The following WDFY3 variants were observed in gnomAD, a reference collection of about 807,000 sequenced individuals.
WDFY3 encodes the protein WD repeat and FYVE domain containing 3.
In WDFY3, 66 loss-of-function variants were observed where a neutral mutation model predicts 409.6. That is an observed-to-expected ratio of 0.16 (90% CI 0.13 to 0.20). WDFY3 has a LOEUF of 0.20. WDFY3 is among the 10% of genes least tolerant of loss of function. The pLI is 1.00. For missense variants in WDFY3, 3,031 were observed against 4,298.1 expected (o/e 0.71, Z 8.24); for synonymous variants, 1,521 against 1,537.1 (o/e 0.99, Z 0.25).
In WDFY3 at chr4:84,907,707, G is replaced by A. The variant is rs551742955; in HGVS notation, c.-131-10697C>T. ...AATCAGCAATAAGTAATCTATATTC[G>A]TTCAAGCAATAATCATTGATCTGTG... On this transcript the variant is annotated intron_variant, in intron 2 of 67. Coordinates refer to ENST00000295888, the MANE Select transcript of WDFY3 (RefSeq NM_014991.6). 2.6e-5 allele frequency among the ~76,000 whole-genome samples: 4 copies of A among 152,196 alleles called. No homozygotes were observed. In the South Asian group the frequency reaches 6.2e-4, roughly 24 times the overall value.
chr4:84,672,865 T>C lies in WDFY3; in HGVS notation c.*3A>G. The C allele has an allele frequency of 6.2e-7, 1 of 1,614,058 alleles. No homozygotes were observed. Among genetic ancestry groups the C allele is most frequent in the African/African-American group, 1.3e-5 (1 of 75,044 alleles). On this transcript the variant is annotated 3_prime_UTR_variant, in exon 68 of 68. Transcript: ENST00000295888. ...CATGGTCTCCACTCAGCTTGTTGAA[T>C]CTTCAACAATTTCGAGGCCCATCTT...
At chr4:84,852,014 AG>A (rs1457197620) in intron 4 of WDFY3, among the ~76,000 whole-genome samples, 1 of 152,224 alleles carries the variant, frequency 6.6e-6, no homozygotes, top group Non-Finnish European at 1.5e-5. Flanking sequence ...CTCAGCACAC[AG>A]TTTTTGGTCT....
intron 13 of WDFY3, among the ~76,000 whole-genome samples, chr4:84,815,799 G>T (rs1257270253): frequency 6.6e-6 from 1 of 152,006 alleles, no homozygotes; most frequent in African/African-American, 2.4e-5. Context: ...TTACGGTAGG[G>T]TCCATTGTAA....
At chr4:84,915,095 C>T (rs1385722181) in intron 2 of WDFY3, among the ~76,000 whole-genome samples, 1 of 152,064 alleles carries the variant, frequency 6.6e-6, no homozygotes, top group Admixed American at 6.6e-5. Flanking sequence ...ATTGTATGAT[C>T]ATACTTAATA....
At chr4:84,688,859 G>A (rs1728775416) in intron 61 of WDFY3, among the ~76,000 whole-genome samples, 1 of 152,082 alleles carries the variant, frequency 6.6e-6, no homozygotes, top group Non-Finnish European at 1.5e-5. Flanking sequence ...TGCCTGAGAG[G>A]AATTCTTTCT....
chr4:84,741,973 G>C, intron 37 of WDFY3, 52 bp from the exon 38 acceptor site: 1 of 1,471,720 alleles, frequency 6.8e-7, no homozygotes, highest in Non-Finnish European at 9.1e-7. Flanking sequence ...TACCAACACA[G>C]GACCAGATCC....
chr4:84,829,236 C>A (rs750341352), intron 8 of WDFY3, 46 bp from the exon 9 acceptor site: 18 of 1,426,580 alleles, frequency 1.3e-5, no homozygotes, highest in South Asian at 1.7e-5. Flanking sequence ...TCCTGACAAT[C>A]GCTTAAAAAT....
At chr4:84,709,656 A>G (rs1043844072) in intron 51 of WDFY3, among the ~76,000 whole-genome samples, 3 of 152,216 alleles carry the variant, frequency 2.0e-5, no homozygotes, top group African/African-American at 7.2e-5. Flanking sequence ...TGAATGTAAT[A>G]TATATTTTTT....
chr4:84,889,336 C>T (rs1393411707), intron 3 of WDFY3, among the ~76,000 whole-genome samples: 3 of 152,132 alleles, frequency 2.0e-5, no homozygotes, highest in Non-Finnish European at 4.4e-5. Flanking sequence ...TGATATTACA[C>T]ATCTGCAGAG....
chr4:84,794,762 G>A, intron 20 of WDFY3, 25 bp from the exon 21 acceptor site: 1 of 1,564,336 alleles, frequency 6.4e-7, no homozygotes, highest in Non-Finnish European at 8.7e-7. Flanking sequence ...AAAAAAAAAA[G>A]TCTGTGTTGA....
At chr4:84,734,639 A>G (rs572464440) in intron 43 of WDFY3, among the ~76,000 whole-genome samples, 1 of 152,344 alleles carries the variant, frequency 6.6e-6, no homozygotes, top group South Asian at 2.1e-4. Context: ...ATTTCATTCA[A>G]TCTTGTAATT....
At chr4:84,832,755 C>T (rs1342712183) in intron 7 of WDFY3, among the ~76,000 whole-genome samples, 2 of 152,022 alleles carry the variant, frequency 1.3e-5, no homozygotes. Flanking sequence ...ATTTACTATC[C>T]TCTCTTCACC....
intron 3 of WDFY3, among the ~76,000 whole-genome samples, chr4:84,862,710 G>A (rs889479060): frequency 2.0e-5 from 3 of 151,888 alleles, no homozygotes; most frequent in Non-Finnish European, 4.4e-5. Flanking sequence ...TTTTTCTGCT[G>A]GGCGCGGCGG....
intron 1 of WDFY3, chr4:84,965,793 G>T (rs901400777): frequency 1.3e-5 from 2 of 152,386 alleles, no homozygotes; most frequent in South Asian, 2.1e-4. Context: ...GCAGCGGGGG[G>T]GGGCCAGGGC....
chr4:84,774,103 T>C (rs1353466635), intron 29 of WDFY3, among the ~76,000 whole-genome samples: 1 of 152,246 alleles, frequency 6.6e-6, no homozygotes, highest in Non-Finnish European at 1.5e-5. Flanking sequence ...GGTTAGTCCA[T>C]GAGAATAACT....
At chr4:84,908,427 TA>T (rs1767329919) in intron 2 of WDFY3, among the ~76,000 whole-genome samples, 1 of 152,064 alleles carries the variant, frequency 6.6e-6, no homozygotes, top group South Asian at 2.1e-4. Flanking sequence ...TCAGAACAAA[TA>T]AAAGAACAAT....
chr4:84,911,488 T>G (rs1204798301), intron 2 of WDFY3, among the ~76,000 whole-genome samples: 1 of 151,952 alleles, frequency 6.6e-6, no homozygotes. Context: ...CCCTGTCTCT[T>G]AAAAAAGAAA....
chr4:84,832,572 G>A (rs529660793), intron 7 of WDFY3, among the ~76,000 whole-genome samples: 1 of 152,174 alleles, frequency 6.6e-6, no homozygotes, highest in East Asian at 1.9e-4. Context: ...ATTACACATT[G>A]TATACACAAA....
chr4:84,801,723 G>T lies in WDFY3; in HGVS notation c.2749C>A (p.His917Asn), dbSNP rs1420206730. Residue 917 changes from histidine (H) to asparagine (N), a missense_variant, in exon 17 of 68, where the codon CAC becomes AAC. His to Asn is a moderately conservative substitution (Grantham distance 68). Coordinates refer to ENST00000295888, the MANE Select transcript of WDFY3 (RefSeq NM_014991.6). ...RCSAALADED[H>N]SLHPPLQRMF... is the part of the protein sequence containing the mutation. ...CGCTGCAGGGGCGGGTGCAGTGAGT[G>T]GTCCTCATCAGCCAATGCAGCACTG... 1 of 1,613,150 alleles carries T rather than the reference G, an allele frequency of 6.2e-7. No homozygotes were observed. Among genetic ancestry groups the T allele is most frequent in the Non-Finnish European group, 8.5e-7 (1 of 1,179,906 alleles).
Sources: allele counts gnomAD v4.1 joint callset (sites outside exome capture counted in the v4.1 genomes callset), GRCh38; gene constraint gnomAD v4.1.1; transcripts MANE v1.5; gene names NCBI Gene and HGNC (gene_info 2026-07-23, HGNC 2026-07-21).